PDE8B: variants seen among roughly 807,000 people sequenced by gnomAD.
The protein encoded by PDE8B is phosphodiesterase 8B, also known as high affinity cAMP-specific and IBMX-insensitive 3',5'-cyclic phosphodiesterase 8B.
A neutral mutation model predicts 101.3 loss-of-function variants in PDE8B; 26 were observed. The ratio of observed to expected loss-of-function variants is 0.26; its 90% CI spans 0.19 to 0.36. PDE8B has a LOEUF of 0.36. PDE8B is among the 10% of genes least tolerant of loss of function. The probability of loss-of-function intolerance (pLI) is 1.00; values close to 1 mark genes in which losing one functional copy is unlikely to be tolerated. For synonymous variants in PDE8B, 424 were observed against 429.3 expected (o/e 0.99, Z 0.15); for missense variants, 810 against 1,163.1 (o/e 0.70, Z 4.42).
Position 77,353,400 on chromosome 5 carries a change from T to G in PDE8B, c.1161T>G (p.Asn387Lys). ...LKKLCCTTDN[N>K]KQIHKIHRDS... ...AACTGTGTTGTACCACTGACAATAA[T>G]AAGCAGGTATGGTATTAGCTCACTT... Residue 387 changes from asparagine (N) to lysine (K), a missense_variant, in exon 10 of 22, where the codon AAT becomes AAG. By Grantham distance (94) the Asn-to-Lys change is moderately conservative. Transcript: ENST00000264917. The G allele has an allele frequency of 6.3e-7, 1 of 1,592,250 alleles. No homozygotes were observed. Among genetic ancestry groups the G allele is most frequent in the Non-Finnish European group, 8.6e-7 (1 of 1,160,050 alleles).
At chr5:77,103,162 T>C in the PDE8B span, among the ~76,000 whole-genome samples, 1 of 152,214 alleles carries the variant, frequency 6.6e-6, no homozygotes, top group Non-Finnish European at 1.5e-5. Context: ...AGCACATTGA[T>C]CTTAAGGCTT....
the PDE8B span, chr5:77,134,675 C>T: frequency 2.0e-5 from 3 of 152,160 alleles, no homozygotes; most frequent in African/African-American, 7.2e-5. Context: ...TGTAGTCTTG[C>T]CCAATCTGTG....
Position 77,211,290 on chromosome 5 carries a change from C to G in PDE8B, c.339+26C>G. ...GTAAATGCCCCGCGCTGGCACACGCCGTGGGGGCCGTCCGCCCCGTCGGCG... is the reference window on the plus strand; with the variant it reads ...GTAAATGCCCCGCGCTGGCACACGCGGTGGGGGCCGTCCGCCCCGTCGGCG... On this transcript the variant is annotated intron_variant, in intron 1 of 21. Coordinates refer to ENST00000264917, the MANE Select transcript of PDE8B (RefSeq NM_003719.5). This position sits in a 1 kb window ranked among gnomAD's most constrained non-coding sequence, Gnocchi z 4.1. The G allele has an allele frequency of 2.0e-6, 3 of 1,527,024 alleles. No individual in the cohort carries two copies. Among genetic ancestry groups the G allele is most frequent in the East Asian group, 5.1e-5 (2 of 39,274 alleles). 94.6% of individuals were successfully genotyped at this position (1,527,024 alleles called of 1,614,324 possible).
chr5:77,211,985 A>G lies in PDE8B; in HGVS notation c.339+721A>G, dbSNP rs1224351975. ...CAGCTGTCTGAGGATGATTCTGCAC[A>G]TACAACTGATCTTCCCAGAGAGTGG... On this transcript the variant is annotated intron_variant, in intron 1 of 21. Coordinates refer to ENST00000264917, the MANE Select transcript of PDE8B (RefSeq NM_003719.5). This position sits in a 1 kb window ranked among gnomAD's most constrained non-coding sequence, Gnocchi z 4.1. 1.3e-5 allele frequency among the ~76,000 whole-genome samples: 2 copies of G among 152,338 alleles called. No homozygotes were observed. Among genetic ancestry groups the G allele is most frequent in the Admixed American group, 1.3e-4 (2 of 15,304 alleles).
chr5:77,271,345 C>T (rs1762756323), intron 1 of PDE8B, among the ~76,000 whole-genome samples: 1 of 152,168 alleles, frequency 6.6e-6, no homozygotes, highest in South Asian at 2.1e-4. Flanking sequence ...TACTACTTGC[C>T]ACCCTGGAAG....
At chr5:77,180,153 C>T in the PDE8B span, among the ~76,000 whole-genome samples, 2 of 152,092 alleles carry the variant, frequency 1.3e-5, no homozygotes, top group African/African-American at 4.8e-5. Context: ...GGACTTCCCT[C>T]GAGGGGCCAG....
At chr5:77,280,040 C>G (rs2149838147) in intron 1 of PDE8B, among the ~76,000 whole-genome samples, 1 of 152,342 alleles carries the variant, frequency 6.6e-6, no homozygotes, top group Non-Finnish European at 1.5e-5. Flanking sequence ...GCATACACCC[C>G]ACCTCTGGGT....
At chr5:77,182,546 C>T in the PDE8B span, among the ~76,000 whole-genome samples, 4 of 152,154 alleles carry the variant, frequency 2.6e-5, no homozygotes, top group Non-Finnish European at 4.4e-5. Flanking sequence ...ACACTAACCC[C>T]TCAGTGGAAG....
chr5:77,367,530 C>CTT (rs3031815), intron 10 of PDE8B, among the ~76,000 whole-genome samples: 86 of 109,480 alleles, frequency 7.9e-4, no homozygotes, highest in African/African-American at 1.5e-3. Flanking sequence ...CTTTTTCTCT[C>CTT]TTTTTTTTTT....
intron 1 of PDE8B, among the ~76,000 whole-genome samples, chr5:77,299,059 G>C (rs748736778): frequency 3.3e-5 from 5 of 152,168 alleles, no homozygotes; most frequent in Non-Finnish European, 5.9e-5. Flanking sequence ...TTGTAGCTTT[G>C]TATGTCTCCT....
chr5:77,358,582 A>T (rs192220814), intron 10 of PDE8B: 21 of 247,566 alleles, frequency 8.5e-5, no homozygotes, highest in African/African-American at 4.2e-4. Flanking sequence ...TAACCTTTGG[A>T]TGGCATAGGA....
chr5:77,144,474 C>T, the PDE8B span: 1 of 151,932 alleles, frequency 6.6e-6, no homozygotes, highest in African/African-American at 2.4e-5. Context: ...GGACGGTGTC[C>T]GCTGAAAAGA....
rs1581559782 is a variant in PDE8B, at chr5:77,411,577, G to T, written c.1531-99G>T. On this transcript the variant is annotated intron_variant, in intron 14 of 21. Coordinates refer to ENST00000264917, the MANE Select transcript of PDE8B (RefSeq NM_003719.5). ...CAACTTAGACTTCCAGATTGGTTGGGTTATTCAGGATTCAAATCTCTTTCA... is the reference window on the plus strand; with the variant it reads ...CAACTTAGACTTCCAGATTGGTTGGTTTATTCAGGATTCAAATCTCTTTCA... 91 of 966,322 alleles carry T rather than the reference G, an allele frequency of 9.4e-5. 3 individuals are homozygous for T. In the South Asian group the frequency reaches 1.2e-3, roughly 13 times the overall value. 59.9% of individuals were successfully genotyped at this position (966,322 alleles called of 1,614,324 possible). A position where few individuals can be genotyped will look rare whatever the true frequency, so the allele number is the denominator to read the frequency against.
Position 77,312,073 on chromosome 5 carries a change from C to T in PDE8B, c.399+20C>T, listed in dbSNP as rs773437426. 18 of 1,569,192 alleles carry T rather than the reference C, an allele frequency of 1.1e-5. No individual in the cohort carries two copies. The highest frequency in any genetic ancestry group is 1.5e-5 in the Non-Finnish European group (17 of 1,139,452). On this transcript the variant is annotated intron_variant, in intron 2 of 21. Transcript: ENST00000264917. ...ATTCAGGTACGCCTCCTTTACTCAG[C>T]CCTGTGACTCAGATTATTTTCTTTT...
intron 10 of PDE8B, among the ~76,000 whole-genome samples, chr5:77,389,774 TATC>T (rs1337329166): frequency 6.6e-6 from 1 of 152,210 alleles, no homozygotes; most frequent in Admixed American, 6.5e-5. Flanking sequence ...ATCTTCACTG[TATC>T]ATTTTTTTTC....
chr5:77,110,929 C>T, the PDE8B span, among the ~76,000 whole-genome samples: 8 of 152,154 alleles, frequency 5.3e-5, no homozygotes, highest in African/African-American at 9.7e-5. Flanking sequence ...TTCACCATAT[C>T]GAAAGAATTT....
At chr5:77,158,814 T>C in the PDE8B span, among the ~76,000 whole-genome samples, 1 of 152,144 alleles carries the variant, frequency 6.6e-6, no homozygotes, top group African/African-American at 2.4e-5. Flanking sequence ...CCACTACACC[T>C]GAGAAAGAGG....
the PDE8B span, among the ~76,000 whole-genome samples, chr5:77,205,038 T>C: frequency 6.6e-6 from 1 of 152,118 alleles, no homozygotes; most frequent in African/African-American, 2.4e-5. Flanking sequence ...TGGAGGTGAG[T>C]AGCATTCTGG....
chr5:77,120,691 AGT>A, the PDE8B span, among the ~76,000 whole-genome samples: 1 of 152,254 alleles, frequency 6.6e-6, no homozygotes, highest in Non-Finnish European at 1.5e-5. Context: ...TATAATAAAA[AGT>A]GAGGTAAAAA....
Sources: allele counts gnomAD v4.1 joint callset (sites outside exome capture counted in the v4.1 genomes callset), GRCh38; gene constraint gnomAD v4.1.1; non-coding constraint Gnocchi (gnomAD v3.1); transcripts MANE v1.5; gene names NCBI Gene and HGNC (gene_info 2026-07-23, HGNC 2026-07-21).